SAG: variants seen among roughly 807,000 people sequenced by gnomAD.
SAG encodes the protein S-antigen visual arrestin.
SAG carries 45 observed loss-of-function variants against 55.0 expected under a neutral mutation model. The ratio of observed to expected loss-of-function variants is 0.82; its 90% CI spans 0.64 to 1.05. The LOEUF (loss-of-function observed/expected upper bound fraction) is 1.05, where lower values mean the gene tolerates loss of function less well. Among genes scored for constraint, SAG ranks in the 50% least tolerant of loss-of-function variants. The probability of loss-of-function intolerance (pLI) is 0.00; values close to 1 mark genes in which losing one functional copy is unlikely to be tolerated. For missense variants in SAG, 455 were observed against 512.1 expected (o/e 0.89, Z 1.08); for synonymous variants, 189 against 197.4 (o/e 0.96, Z 0.36).
Position 233,327,434 on chromosome 2 carries a change from G to A in SAG, c.512+237G>A, listed in dbSNP as rs55766049. ...CTCACGTAAGCCCCGAAAAGCTCCC[G>A]GGTTTCCCCTTTGTTGAAGTTTTGT... On this transcript the variant is annotated intron_variant, in intron 7 of 15. Transcript: ENST00000409110. The A allele has an allele frequency of 0.021, 8,484 of 397,640 alleles. 624 individuals are homozygous for A. Among genetic ancestry groups the A allele is most frequent in the African/African-American group, 0.16 (7,715 of 48,828 alleles). 24.6% of individuals were successfully genotyped at this position (397,640 alleles called of 1,614,324 possible).
At chr2:233,334,009 G>C (rs544700400) in intron 10 of SAG, 4 of 152,216 alleles carry the variant, frequency 2.6e-5, no homozygotes, top group African/African-American at 9.7e-5. Flanking sequence ...CCTTAGAATG[G>C]TCCTGATGCT....
At chr2:233,336,072 A>C (rs1294641486) in intron 11 of SAG, among the ~76,000 whole-genome samples, 3 of 152,268 alleles carry the variant, frequency 2.0e-5, no homozygotes, top group Admixed American at 2.0e-4. Context: ...GTTAGATTCT[A>C]AAGCACATTC....
At chr2:233,325,354 T>TA (rs3085260) in intron 6 of SAG, among the ~76,000 whole-genome samples, 68,904 of 142,894 alleles carry the variant, frequency 0.48, 16,566 homozygotes, top group South Asian at 0.54. Context: ...AGACTCCATC[T>TA]AAAAAAAAAA....
At chr2:233,328,276 G>A (rs1375863858) in intron 7 of SAG, 2 of 502,524 alleles carry the variant, frequency 4.0e-6, no homozygotes, top group Non-Finnish European at 6.8e-6. Flanking sequence ...CACAGGGAAG[G>A]GACCAGGACC....
intron 14 of SAG, chr2:233,343,081 GTT>G (rs34180640): frequency 9.6e-5 from 10 of 104,348 alleles, no homozygotes; most frequent in Non-Finnish European, 1.4e-4. Context: ...TTTTTTTGGG[GTT>G]TTTTTTTTTT....
Position 233,318,813 on chromosome 2 carries a change from G to A in SAG, c.181+18G>A. 6.2e-7 allele frequency: 1 copy of A among 1,611,212 alleles called. No individual in the cohort carries two copies. Among genetic ancestry groups the A allele is most frequent in the Non-Finnish European group, 8.5e-7 (1 of 1,177,382 alleles). On this transcript the variant is annotated intron_variant, in intron 4 of 15. Coordinates refer to ENST00000409110, the MANE Select transcript of SAG (RefSeq NM_000541.5). ...AAAGAAAGGTGAGATGAAGCCCCTT[G>A]TCTCAGGCTGGTTTCTGGGCGGAGT...
At chr2:233,341,400 G>A (rs1423410365) in intron 13 of SAG, among the ~76,000 whole-genome samples, 1 of 152,210 alleles carries the variant, frequency 6.6e-6, no homozygotes. Context: ...AAAGGCAGCT[G>A]TCACTATTTG....
rs764670195 is a variant in SAG, at chr2:233,342,340, T to C, written c.1102+14T>C. 2 of 1,583,162 alleles carry C rather than the reference T, an allele frequency of 1.3e-6. No homozygotes were observed. The highest frequency in any genetic ancestry group is 1.3e-5 in the African/African-American group (1 of 74,390). ...CTGAGGACCCAGGTCAGTTATGTCC[T>C]TTTTTAGCTTTCTTTAATTATTTGC... is the stretch of plus-strand genomic sequence containing the variant. On this transcript the variant is annotated intron_variant, in intron 14 of 15. Transcript: ENST00000409110.
rs948567044 is a variant in SAG, at chr2:233,319,358, C to A, written c.181+563C>A. 6.6e-6 allele frequency among the ~76,000 whole-genome samples: 1 copy of A among 152,090 alleles called. No homozygotes were observed. Among genetic ancestry groups the A allele is most frequent in the African/African-American group, 2.4e-5 (1 of 41,392 alleles). On this transcript the variant is annotated intron_variant, in intron 4 of 15. Coordinates refer to ENST00000409110, the MANE Select transcript of SAG (RefSeq NM_000541.5). The surrounding 1 kb of genome is among the most constrained non-coding windows in gnomAD (Gnocchi z 4.4). ...CTTCGATGGTTCTGAACCAGTGTCA[C>A]GGCGCCCTTGAAGATTTCTGGCAGT...
chr2:233,319,083 C>T lies in SAG; in HGVS notation c.181+288C>T, dbSNP rs537347829. On this transcript the variant is annotated intron_variant, in intron 4 of 15. Coordinates refer to ENST00000409110, the MANE Select transcript of SAG (RefSeq NM_000541.5). This position sits in a 1 kb window ranked among gnomAD's most constrained non-coding sequence, Gnocchi z 4.4. ...TCTGTGGCCCCCATTCCTGTTTGCTCGCCCCTGTTTCATGTACTTCTGTGC... is the reference window on the plus strand; with the variant it reads ...TCTGTGGCCCCCATTCCTGTTTGCTTGCCCCTGTTTCATGTACTTCTGTGC... 25 of 603,234 alleles carry T rather than the reference C, an allele frequency of 4.1e-5. No homozygotes were observed. The highest frequency in any genetic ancestry group is 2.4e-4 in the African/African-American group (13 of 54,904). 37.4% of individuals were successfully genotyped at this position (603,234 alleles called of 1,614,324 possible).
intron 7 of SAG, 59 bp downstream of exon 7, chr2:233,327,256 G>A (rs181095009): frequency 8.1e-6 from 11 of 1,360,930 alleles, no homozygotes; most frequent in East Asian, 2.3e-5. Flanking sequence ...GAGAAGAGAC[G>A]ACCTCCACCT....
chr2:233,327,162 C>A lies in SAG; in HGVS notation c.477C>A (p.Asp159Glu), dbSNP rs760833904. ...TTGAGGTCAAAGCATTCGCCACAGA[C>A]AGCACCGATGCCGAAGAGGACAAAA... ...VDFEVKAFATDSTDAEEDKIP... is the reference protein window; with the variant it reads ...VDFEVKAFATESTDAEEDKIP... Residue 159 changes from aspartate (D) to glutamate (E), a missense_variant, in exon 7 of 16, where the codon GAC becomes GAA. Coordinates refer to ENST00000409110, the MANE Select transcript of SAG (RefSeq NM_000541.5). 3.7e-6 allele frequency: 6 copies of A among 1,613,812 alleles called. No homozygotes were observed. The African/African-American group carries it at 6.7e-5, about 18-fold the overall frequency.
At chr2:233,331,468 A>G (rs937237258) in intron 9 of SAG, 172 bp from the exon 10 acceptor site, 2 of 674,886 alleles carry the variant, frequency 3.0e-6, no homozygotes, top group East Asian at 5.4e-5. Flanking sequence ...GCCTGGAGAC[A>G]GGACTTCAAA....
chr2:233,334,911 G>T, intron 10 of SAG, 51 bp from the exon 11 acceptor site: 1 of 1,605,450 alleles, frequency 6.2e-7, no homozygotes, highest in Non-Finnish European at 8.5e-7. Context: ...GGCTCATGGG[G>T]TCCATGGCAG....
At chr2:233,327,437 T>G in intron 7 of SAG, 23 of 369,726 alleles carry the variant, frequency 6.2e-5, no homozygotes, top group East Asian at 8.8e-5. Flanking sequence ...AGCTCCCGGG[T>G]TTCCCCTTTG....
chr2:233,327,634 C>G (rs1229027292), intron 7 of SAG: 3 of 154,854 alleles, frequency 1.9e-5, no homozygotes, highest in African/African-American at 7.2e-5. Context: ...CCTCCGCCTC[C>G]CAGGTTCAAG....
In SAG at chr2:233,312,596, G is replaced by A. The variant is rs116786782; in HGVS notation, c.75+3332G>A. 1.4e-3 allele frequency among the ~76,000 whole-genome samples: 220 copies of A among 152,230 alleles called. 3 individuals are homozygous for A. The highest frequency in any genetic ancestry group is 4.8e-3 in the African/African-American group (200 of 41,534). On this transcript the variant is annotated intron_variant, in intron 2 of 15. Transcript: ENST00000409110. ...TTCATCCTGCTTAAAACGCTTCAACGTCTTCTGAGGTTCTTTAGGGCCACG... is the reference window on the plus strand; with the variant it reads ...TTCATCCTGCTTAAAACGCTTCAACATCTTCTGAGGTTCTTTAGGGCCACG...
chr2:233,320,688 C>T lies in SAG; in HGVS notation c.240C>T (p.Gly80=). 6.2e-7 allele frequency: 1 copy of T among 1,606,414 alleles called. No homozygotes were observed. The highest frequency in any genetic ancestry group is 1.3e-5 in the African/African-American group (1 of 74,912). ...GCCAAGAGGACATTGACGTGATCGG[C>T]TTGACCTTCCGCAGGGACCTGTACT... The part of the protein sequence containing the change: ...RYGQEDIDVI[G]LTFRRDLYFS... Residue 80 remains glycine, a synonymous_variant, in exon 5 of 16, where the codon GGC becomes GGT. Transcript: ENST00000409110.
chr2:233,322,046 G>T (rs1348206544), intron 5 of SAG, among the ~76,000 whole-genome samples: 1 of 149,854 alleles, frequency 6.7e-6, no homozygotes, highest in Non-Finnish European at 1.5e-5. Flanking sequence ...CATTAGTCAG[G>T]CGTGGTGGCG....
Sources: allele counts gnomAD v4.1 joint callset (sites outside exome capture counted in the v4.1 genomes callset), GRCh38; gene constraint gnomAD v4.1.1; non-coding constraint Gnocchi (gnomAD v3.1); transcripts MANE v1.5; gene names NCBI Gene and HGNC (gene_info 2026-07-23, HGNC 2026-07-21).